CASD1: variants seen among roughly 807,000 people sequenced by gnomAD.
CASD1 encodes N-acetylneuraminate (7)9-O-acetyltransferase.
CASD1 carries 41 observed loss-of-function variants against 100.0 expected under a neutral mutation model. That is an observed-to-expected ratio of 0.41 (90% CI 0.32 to 0.53). CASD1 has a LOEUF of 0.53. Ranked by LOEUF, CASD1 falls within the 20% of genes least tolerant of loss-of-function variation. The pLI is 0.25. For synonymous variants in CASD1, 321 were observed against 315.6 expected (o/e 1.02, Z -0.18); for missense variants, 774 against 948.7 (o/e 0.82, Z 2.42).
At chr7:94,516,970 C>G (rs748211703) in intron 1 of CASD1, among the ~76,000 whole-genome samples, 1 of 150,934 alleles carries the variant, frequency 6.6e-6, no homozygotes, top group Non-Finnish European at 1.5e-5. Context: ...GTGGCATGAT[C>G]TTGGCTCACT....
the CASD1 span, among the ~76,000 whole-genome samples, chr7:94,630,360 G>C: frequency 4.4e-3 from 673 of 151,600 alleles, 4 homozygotes; most frequent in African/African-American, 0.015. Context: ...CGGTTTTTAC[G>C]TATACTTATA....
chr7:94,568,259 A>G, the CASD1 span, among the ~76,000 whole-genome samples: 3 of 152,186 alleles, frequency 2.0e-5, no homozygotes, highest in African/African-American at 7.2e-5. Context: ...TGCTATAGGT[A>G]GCAACTCAAG....
intron 10 of CASD1, among the ~76,000 whole-genome samples, chr7:94,539,732 G>T (rs1795300566): frequency 6.6e-6 from 1 of 151,590 alleles, no homozygotes; most frequent in Non-Finnish European, 1.5e-5. Flanking sequence ...TTTAGAATAG[G>T]CAAGTTACTG....
chr7:94,521,797 A>T lies in CASD1; in HGVS notation c.351+3474A>T, dbSNP rs376351063. ...GCAGGGATAGAAATTAAAAAGTGAG[A>T]TGGTAAAGCCAGGCACGGTGGCTCA... On this transcript the variant is annotated intron_variant, in intron 3 of 17. Coordinates refer to ENST00000297273, the MANE Select transcript of CASD1 (RefSeq NM_022900.5). 6.6e-5 allele frequency among the ~76,000 whole-genome samples: 10 copies of T among 152,302 alleles called. No individual in the cohort carries two copies. In the Middle Eastern group the frequency reaches 0.01, roughly 155 times the overall value.
At chr7:94,511,521 A>G (rs1361683903) in intron 1 of CASD1, among the ~76,000 whole-genome samples, 1 of 152,232 alleles carries the variant, frequency 6.6e-6, no homozygotes, top group Non-Finnish European at 1.5e-5. Context: ...AGCTCTCTCC[A>G]GATCACAGCC....
At chr7:94,543,913 A>G (rs1795546630) in intron 10 of CASD1, among the ~76,000 whole-genome samples, 1 of 152,202 alleles carries the variant, frequency 6.6e-6, no homozygotes, top group African/African-American at 2.4e-5. Flanking sequence ...TGATGAAGAC[A>G]GTGATGTAGG....
chr7:94,547,071 G>T (rs755704112), intron 12 of CASD1, 25 bp from the exon 13 acceptor site: 54 of 1,443,854 alleles, frequency 3.7e-5, no homozygotes, highest in Non-Finnish European at 4.9e-5. Context: ...TTATTTTTTA[G>T]TAAATTAAAT....
At position 94,527,189 on chromosome 7, in the gene CASD1, A is replaced by G. The variant is rs529856106; in HGVS notation, c.379A>G (p.Thr127Ala). 1 of 1,609,770 alleles carries G rather than the reference A, an allele frequency of 6.2e-7. No homozygotes were observed. Among genetic ancestry groups the G allele is most frequent in the South Asian group, 1.1e-5 (1 of 90,838 alleles). ...TGAAAACATTCCTTTTGAAGACAAGACTGCATCAGTTAAAGTGGTAAGTTC... is the reference window on the plus strand; with the variant it reads ...TGAAAACATTCCTTTTGAAGACAAGGCTGCATCAGTTAAAGTGGTAAGTTC... ...KHENIPFEDK[T>A]ASVKVDFLWH... The change falls in exon 4 of 18, where the codon ACT becomes GCT. Residue 127 changes from threonine to alanine, a missense_variant. Around this residue, in one of 5 missense-constraint regions of CASD1, gnomAD observed 61 missense variants for 115.9 expected, o/e 0.53. Transcript: ENST00000297273.
the CASD1 span, among the ~76,000 whole-genome samples, chr7:94,563,220 G>C: frequency 6.6e-6 from 1 of 152,120 alleles, no homozygotes; most frequent in African/African-American, 2.4e-5. Flanking sequence ...CACAAGAAAA[G>C]TGGTTATACT....
chr7:94,555,454 C>A, intron 17 of CASD1, 38 bp from the exon 18 acceptor site: 1 of 1,577,802 alleles, frequency 6.3e-7, no homozygotes, highest in Non-Finnish European at 8.6e-7. Context: ...ATTCATGGAC[C>A]CTCTATAAAT....
the CASD1 span, among the ~76,000 whole-genome samples, chr7:94,582,472 T>C: frequency 6.6e-6 from 1 of 152,128 alleles, no homozygotes; most frequent in African/African-American, 2.4e-5. Flanking sequence ...CTTTCGACAA[T>C]TGTCTATTCA....
the CASD1 span, among the ~76,000 whole-genome samples, chr7:94,570,523 C>A: frequency 6.6e-6 from 1 of 152,042 alleles, no homozygotes; most frequent in Non-Finnish European, 1.5e-5. Flanking sequence ...GGGATGGAGT[C>A]TCCCTCTGTC....
chr7:94,537,983 A>G (rs1795200943), intron 9 of CASD1, 89 bp downstream of exon 9: 1 of 755,748 alleles, frequency 1.3e-6, no homozygotes, highest in South Asian at 1.9e-5. Flanking sequence ...TATCATGACA[A>G]AATACACAAA....
chr7:94,599,559 A>C, the CASD1 span: 6 of 738,576 alleles, frequency 8.1e-6, no homozygotes, highest in African/African-American at 1.1e-4. Flanking sequence ...TCTATTTAGA[A>C]AGCAGCTTTC....
At chr7:94,538,911 C>T (rs374806389) in intron 9 of CASD1, 56 bp from the exon 10 acceptor site, 20 of 902,974 alleles carry the variant, frequency 2.2e-5, no homozygotes, top group African/African-American at 6.8e-5. Context: ...TATTATATGC[C>T]GTTAAATAAT....
At chr7:94,530,319 T>G (rs953619668) in intron 5 of CASD1, among the ~76,000 whole-genome samples, 1 of 152,088 alleles carries the variant, frequency 6.6e-6, no homozygotes, top group Non-Finnish European at 1.5e-5. Context: ...CTCCAGCAGT[T>G]TTAGTGGAGC....
At chr7:94,602,385 T>C in the CASD1 span, among the ~76,000 whole-genome samples, 3 of 152,100 alleles carry the variant, frequency 2.0e-5, no homozygotes, top group African/African-American at 7.2e-5. Context: ...TGTTGCAATG[T>C]GAGTAATATG....
the CASD1 span, among the ~76,000 whole-genome samples, chr7:94,630,546 A>C: frequency 6.6e-6 from 1 of 151,976 alleles, no homozygotes; most frequent in Non-Finnish European, 1.5e-5. Context: ...AAAATAATTT[A>C]AGTGAAATAA....
the CASD1 span, chr7:94,600,738 C>T: frequency 1.1e-5 from 18 of 1,613,700 alleles, no homozygotes; most frequent in Admixed American, 1.7e-5. Flanking sequence ...TTAGGAAATC[C>T]GTGTAATAGT....
Sources: allele counts gnomAD v4.1 joint callset (sites outside exome capture counted in the v4.1 genomes callset), GRCh38; gene constraint gnomAD v4.1.1; regional missense constraint gnomAD v4.1.1; transcripts MANE v1.5; gene names NCBI Gene and HGNC (gene_info 2026-07-23, HGNC 2026-07-21).